The following NFIB variants were observed in gnomAD, a reference collection of about 807,000 sequenced individuals.
NFIB encodes nuclear factor I B, also known as nuclear factor 1 B-type.
NFIB carries 11 observed loss-of-function variants against 61.5 expected under a neutral mutation model. The ratio of observed to expected loss-of-function variants is 0.18; its 90% CI spans 0.11 to 0.30. The LOEUF is 0.30. Ranked by LOEUF, NFIB falls within the 10% of genes least tolerant of loss-of-function variation. The pLI, the probability that NFIB is intolerant of heterozygous loss-of-function variation, is 1.00. For synonymous variants in NFIB, 260 were observed against 216.5 expected (o/e 1.20, Z -1.76); for missense variants, 471 against 608.9 (o/e 0.77, Z 2.38).
intron 1 of NFIB, among the ~76,000 whole-genome samples, chr9:14,364,024 T>A: frequency 6.6e-6 from 1 of 152,212 alleles, no homozygotes; most frequent in East Asian, 1.9e-4. Context: ...CATTTTACTC[T>A]TAAACATCTT....
At chr9:14,282,125 T>C (rs1179741781) in intron 2 of NFIB, among the ~76,000 whole-genome samples, 2 of 152,204 alleles carry the variant, frequency 1.3e-5, no homozygotes, top group Non-Finnish European at 2.9e-5. Context: ...ACTATATAAA[T>C]TGGATTTAAG....
rs997985107 is a variant in NFIB at position 14,082,025 on chromosome 9, T to G, written c.*6284A>C. The G allele has an allele frequency of 9.4e-6, 2 of 212,376 alleles. No individual in the cohort carries two copies. The highest frequency in any genetic ancestry group is 1.9e-5 in the Non-Finnish European group (2 of 104,456). The allele number at this position is 212,376 out of a possible 1,614,324, so 13.2% of individuals were successfully genotyped here. On this transcript the variant is annotated 3_prime_UTR_variant, in exon 11 of 11. Coordinates refer to ENST00000380953, the MANE Select transcript of NFIB (RefSeq NM_001190737.2). ...TAAAACTTGTGGCAATTGAGTTCAT[T>G]TGCAACCCACAAAAAGTACCCAAAG...
Position 14,116,320 on chromosome 9 carries a change from C to T in NFIB, c.1272G>A (p.Gly424=), listed in dbSNP as rs1488062153. The part of the protein sequence containing the change: ...SQPNGSGQVV[G]KVPGHFTPVL... The stretch of plus-strand genomic sequence containing the variant: ...CAGGAGTGAAATGGCCAGGCACTTT[C>T]CCTACTACTTGACCACTGCCGTTAG... Residue 424 remains glycine, a synonymous_variant, in exon 9 of 11, where the codon GGG becomes GGA. Transcript: ENST00000380953. The T allele has an allele frequency of 1.3e-6, 2 of 1,529,746 alleles. No homozygotes were observed. The highest frequency in any genetic ancestry group is 4.2e-5 in the Admixed American group (2 of 47,828). The allele number at this position is 1,529,746 out of a possible 1,614,324, so 94.8% of individuals were successfully genotyped here.
At chr9:14,521,948 G>A in the NFIB span, among the ~76,000 whole-genome samples, 4 of 152,154 alleles carry the variant, frequency 2.6e-5, no homozygotes, top group Admixed American at 2.6e-4. Flanking sequence ...CCATGCTATT[G>A]TTTGGAATTC....
At chr9:14,323,370 G>T (rs988881050) in intron 1 of NFIB, among the ~76,000 whole-genome samples, 1 of 152,068 alleles carries the variant, frequency 6.6e-6, no homozygotes, top group Non-Finnish European at 1.5e-5. Flanking sequence ...TATGTAGGGG[G>T]ATTTTTTTTT....
intron 10 of NFIB, among the ~76,000 whole-genome samples, chr9:14,092,800 A>G (rs1453350673): frequency 1.3e-5 from 2 of 152,036 alleles, no homozygotes; most frequent in Admixed American, 1.3e-4. Flanking sequence ...GTGAGGATTA[A>G]GGCGGAAGAA....
intron 1 of NFIB, among the ~76,000 whole-genome samples, chr9:14,394,361 C>T (rs1320630280): frequency 6.6e-6 from 1 of 152,098 alleles, no homozygotes; most frequent in Non-Finnish European, 1.5e-5. Context: ...TAAAGACATA[C>T]CTGAAACTGG....
At chr9:14,315,850 G>T (rs1487022611), upstream of NFIB, among the ~76,000 whole-genome samples, 2 of 151,856 alleles carry the variant, frequency 1.3e-5, no homozygotes, top group Non-Finnish European at 2.9e-5. Flanking sequence ...GTGAGCGCCT[G>T]GGGCTCCGAG....
At chr9:14,497,760 A>T in the NFIB span, among the ~76,000 whole-genome samples, 1 of 152,304 alleles carries the variant, frequency 6.6e-6, no homozygotes, top group East Asian at 1.9e-4. Context: ...TGGGTATTTG[A>T]TCCAGGCTGG....
At chr9:14,266,051 C>G (rs190987013) in intron 2 of NFIB, among the ~76,000 whole-genome samples, 1 of 152,026 alleles carries the variant, frequency 6.6e-6, no homozygotes, top group Non-Finnish European at 1.5e-5. Context: ...GTAAAAAGGT[C>G]CTGAGGGCTG....
chr9:14,316,081 TC>T (rs1243190338), upstream of NFIB, among the ~76,000 whole-genome samples: 2 of 151,908 alleles, frequency 1.3e-5, no homozygotes, highest in African/African-American at 2.4e-5. Context: ...CCCTCTTCCC[TC>T]CCCCAGCGGA....
chr9:14,472,621 C>A, the NFIB span, among the ~76,000 whole-genome samples: 1 of 152,016 alleles, frequency 6.6e-6, no homozygotes, highest in African/African-American at 2.4e-5. Context: ...GCAGGTGGAT[C>A]ACGAGGTTAG....
At chr9:14,375,510 T>C (rs28387032) in intron 1 of NFIB, among the ~76,000 whole-genome samples, 5,520 of 151,920 alleles carry the variant, frequency 0.036, 345 homozygotes, top group African/African-American at 0.12. Context: ...ACAAACAAAT[T>C]ATCTGGGCGT....
chr9:14,294,136 T>G lies in NFIB; in HGVS notation c.562+12853A>C, dbSNP rs1429490214. On this transcript the variant is annotated intron_variant, in intron 2 of 10. Transcript: ENST00000380953. ...TAGTACTAAGAAGTCATTCCAAATG[T>G]TCCAAAAGGGATTAATGTAGTATAA... 2.6e-5 allele frequency among the ~76,000 whole-genome samples: 4 copies of G among 152,334 alleles called. No individual in the cohort carries two copies. In the East Asian group the frequency reaches 7.7e-4, roughly 29 times the overall value.
intron 10 of NFIB, among the ~76,000 whole-genome samples, chr9:14,111,667 G>C (rs985020364): frequency 6.6e-6 from 1 of 151,944 alleles, no homozygotes; most frequent in African/African-American, 2.4e-5. Flanking sequence ...AACAATTTTA[G>C]AGGTGAAAAA....
At chr9:14,131,879 G>A (rs986391847) in intron 6 of NFIB, among the ~76,000 whole-genome samples, 2 of 152,074 alleles carry the variant, frequency 1.3e-5, no homozygotes, top group African/African-American at 4.8e-5. Flanking sequence ...AGTGATCTAG[G>A]GCAAGCTCAA....
chr9:14,267,352 A>G (rs2057284103), intron 2 of NFIB, among the ~76,000 whole-genome samples: 1 of 152,224 alleles, frequency 6.6e-6, no homozygotes, highest in Admixed American at 6.5e-5. Flanking sequence ...AATGCTTCTT[A>G]TAGATAGCTT....
chr9:14,333,428 T>C (rs1469306642), intron 1 of NFIB, among the ~76,000 whole-genome samples: 2 of 152,098 alleles, frequency 1.3e-5, no homozygotes, highest in African/African-American at 4.8e-5. Flanking sequence ...ATCCTCCCAC[T>C]CAACAGAGTG....
At chr9:14,097,274 C>T (rs572521070) in intron 10 of NFIB, among the ~76,000 whole-genome samples, 1 of 152,248 alleles carries the variant, frequency 6.6e-6, no homozygotes, top group East Asian at 1.9e-4. Flanking sequence ...AAAGATTCTT[C>T]CATTCATCTA....
Sources: gnomAD v4.1 joint callset for allele counts (sites outside exome capture counted in the v4.1 genomes callset) on GRCh38, gnomAD v4.1.1 for gene constraint, MANE v1.5 for transcripts, NCBI Gene and HGNC (gene_info 2026-07-23, HGNC 2026-07-21) for gene names.